MOB3B: variants seen among roughly 807,000 people sequenced by gnomAD.
MOB3B encodes the protein MOB kinase activator-like 2B.
MOB3B carries 7 observed loss-of-function variants against 18.7 expected under a neutral mutation model. That is an observed-to-expected ratio of 0.37 (90% CI 0.21 to 0.70). The LOEUF (loss-of-function observed/expected upper bound fraction) is 0.70. Among genes scored for constraint, MOB3B ranks in the 30% least tolerant of loss-of-function variants. MOB3B has a pLI of 0.52. For synonymous variants in MOB3B, 111 were observed against 99.9 expected (o/e 1.11, Z -0.66); for missense variants, 253 against 281.3 (o/e 0.90, Z 0.72).
intron 2 of MOB3B, among the ~76,000 whole-genome samples, chr9:27,390,117 A>G (rs113763628): frequency 0.08 from 12,167 of 152,170 alleles, 1,126 homozygotes; most frequent in African/African-American, 0.23. Flanking sequence ...TCGCTATGTT[A>G]CCCAGGCTGG....
chr9:27,333,694 T>C (rs1461728075), intron 3 of MOB3B, among the ~76,000 whole-genome samples: 1 of 152,262 alleles, frequency 6.6e-6, no homozygotes, highest in Non-Finnish European at 1.5e-5. Flanking sequence ...AATGTGTTTT[T>C]AACAGAAGAT....
At position 27,514,113 on chromosome 9, in the gene MOB3B, T is replaced by A. The variant is rs80114178; in HGVS notation, c.-199+15442A>T. On this transcript the variant is annotated intron_variant, in intron 1 of 3. Transcript: ENST00000262244. ...TCTCTCCTGGGAATATAAAGAAGCT[T>A]TAACTCTGGGACCATTCATATGGCT... Among the ~76,000 whole-genome samples the A allele has an allele frequency of 8.8e-3, 1,336 of 152,238 alleles. 21 individuals carry two copies. Among genetic ancestry groups the A allele is most frequent in the African/African-American group, 0.031 (1,268 of 41,536 alleles).
intron 1 of MOB3B, among the ~76,000 whole-genome samples, chr9:27,516,959 A>G (rs1162147412): frequency 6.6e-6 from 1 of 152,048 alleles, no homozygotes; most frequent in African/African-American, 2.4e-5. Flanking sequence ...TTGCTCCCCT[A>G]AGCCTGCTCC....
intron 1 of MOB3B, among the ~76,000 whole-genome samples, chr9:27,509,160 C>T (rs1387337406): frequency 6.6e-6 from 1 of 152,156 alleles, no homozygotes; most frequent in Non-Finnish European, 1.5e-5. Context: ...TCTTAATGCT[C>T]ATTATTCACA....
At chr9:27,498,939 T>A (rs959584113) in intron 1 of MOB3B, among the ~76,000 whole-genome samples, 5 of 152,254 alleles carry the variant, frequency 3.3e-5, no homozygotes, top group African/African-American at 1.2e-4. Flanking sequence ...CCTGTGGACC[T>A]CTGATTCAGG....
intron 1 of MOB3B, chr9:27,524,337 A>C (rs1207765744): frequency 6.2e-7 from 1 of 1,603,976 alleles, no homozygotes; most frequent in Non-Finnish European, 8.5e-7. Context: ...TGCAAAAAAA[A>C]TGAGCACCAA....
intron 1 of MOB3B, among the ~76,000 whole-genome samples, chr9:27,468,529 C>A (rs942013034): frequency 6.6e-6 from 1 of 152,298 alleles, no homozygotes; most frequent in South Asian, 2.1e-4. Flanking sequence ...GGCTGGTCAT[C>A]GTGTGCACCT....
intron 1 of MOB3B, among the ~76,000 whole-genome samples, chr9:27,492,501 C>G (rs1194907062): frequency 1.3e-5 from 2 of 152,170 alleles, no homozygotes; most frequent in African/African-American, 4.8e-5. Flanking sequence ...AAGTGACTCT[C>G]AAGATGAGGT....
At chr9:27,429,465 C>A (rs539641338) in intron 2 of MOB3B, among the ~76,000 whole-genome samples, 1 of 152,190 alleles carries the variant, frequency 6.6e-6, no homozygotes, top group Admixed American at 6.5e-5. Flanking sequence ...TAAAAATATT[C>A]TAATCACACT....
In MOB3B at chr9:27,326,594, C is replaced by A. The variant is rs948027323; in HGVS notation, c.*3993G>T. 1 of 398,310 alleles carries A rather than the reference C, an allele frequency of 2.5e-6. No individual in the cohort carries two copies. The highest frequency in any genetic ancestry group is 1.3e-4 in the South Asian group (1 of 7,840). The allele number at this position is 398,310 out of a possible 1,614,324, so 24.7% of individuals were successfully genotyped here. Reference sequence around the variant, plus strand: ...TGTGAGAGGAGTATAGATTTTTTCACCAAGGAAGTTACTGGCATGGTTTGA... The same window carrying A: ...TGTGAGAGGAGTATAGATTTTTTCAACAAGGAAGTTACTGGCATGGTTTGA... On this transcript the variant is annotated 3_prime_UTR_variant, in exon 4 of 4. Coordinates refer to ENST00000262244, the MANE Select transcript of MOB3B (RefSeq NM_024761.5).
At chr9:27,403,039 G>A (rs1821909169) in intron 2 of MOB3B, among the ~76,000 whole-genome samples, 1 of 152,160 alleles carries the variant, frequency 6.6e-6, no homozygotes, top group African/African-American at 2.4e-5. Flanking sequence ...CAGGGAAGCA[G>A]GTTAAAAGGG....
chr9:27,447,865 A>G (rs1471352440), intron 2 of MOB3B, among the ~76,000 whole-genome samples: 1 of 152,310 alleles, frequency 6.6e-6, no homozygotes, highest in East Asian at 1.9e-4. Flanking sequence ...CTGTCTCTGC[A>G]TGTTTTCCAA....
chr9:27,465,144 C>A (rs763949641), intron 1 of MOB3B, among the ~76,000 whole-genome samples: 2 of 152,198 alleles, frequency 1.3e-5, no homozygotes, highest in African/African-American at 2.4e-5. Context: ...TCCCTTCCAC[C>A]TATAAGCCTG....
At chr9:27,402,769 G>A (rs1821904700) in intron 2 of MOB3B, among the ~76,000 whole-genome samples, 1 of 152,212 alleles carries the variant, frequency 6.6e-6, no homozygotes, top group African/African-American at 2.4e-5. Flanking sequence ...GGGCCTCCCA[G>A]GAAAGTGAGA....
chr9:27,396,863 A>AAC (rs1821807164), intron 2 of MOB3B: 1 of 152,260 alleles, frequency 6.6e-6, no homozygotes, highest in Non-Finnish European at 1.5e-5. Flanking sequence ...TAACGCATTT[A>AAC]ACCATCCACG....
At chr9:27,370,640 T>C (rs1488533783) in intron 2 of MOB3B, among the ~76,000 whole-genome samples, 3 of 152,154 alleles carry the variant, frequency 2.0e-5, no homozygotes, top group Non-Finnish European at 4.4e-5. Context: ...AATCTGTCAG[T>C]GCCTTGATCT....
intron 1 of MOB3B, among the ~76,000 whole-genome samples, chr9:27,516,749 C>T (rs1820241769): frequency 6.6e-6 from 1 of 152,174 alleles, no homozygotes; most frequent in South Asian, 2.1e-4. Flanking sequence ...TTCCATTCCC[C>T]ATATATTCTC....
At chr9:27,347,116 A>G (rs565853881) in intron 3 of MOB3B, among the ~76,000 whole-genome samples, 1 of 152,376 alleles carries the variant, frequency 6.6e-6, no homozygotes, top group Admixed American at 6.5e-5. Context: ...ATCTAAACCT[A>G]TCCTAATGGA....
intron 1 of MOB3B, among the ~76,000 whole-genome samples, chr9:27,510,003 G>A (rs1285852669): frequency 6.6e-6 from 1 of 152,196 alleles, no homozygotes; most frequent in Non-Finnish European, 1.5e-5. Context: ...GGGATTATAG[G>A]CATGAGCCAC....
Sources: allele counts gnomAD v4.1 joint callset (sites outside exome capture counted in the v4.1 genomes callset), GRCh38; gene constraint gnomAD v4.1.1; transcripts MANE v1.5; gene names NCBI Gene and HGNC (gene_info 2026-07-23, HGNC 2026-07-21).